WSCD1: variants seen among roughly 807,000 people sequenced by gnomAD.
The protein encoded by WSCD1 is WSC domain sialate O sulfotransferase 1.
A neutral mutation model predicts 60.4 loss-of-function variants in WSCD1; 41 were observed. The ratio of observed to expected loss-of-function variants is 0.68; its 90% CI spans 0.53 to 0.88. WSCD1 has a LOEUF of 0.88. Among genes scored for constraint, WSCD1 ranks in the 40% least tolerant of loss-of-function variants. WSCD1 has a pLI of 0.00. For missense variants in WSCD1, 784 were observed against 796.2 expected (o/e 0.98, Z 0.18); for synonymous variants, 361 against 332.5 (o/e 1.09, Z -0.93).
At chr17:6,081,172 C>A in intron 2 of WSCD1, 87 bp downstream of exon 2, 1 of 1,407,672 alleles carries the variant, frequency 7.1e-7, no homozygotes, top group Non-Finnish European at 9.4e-7. Context: ...TCTCTGCAGG[C>A]CTGTGGCCTT....
At chr17:6,104,942 G>T (rs1049955674) in intron 5 of WSCD1, among the ~76,000 whole-genome samples, 2 of 152,142 alleles carry the variant, frequency 1.3e-5, no homozygotes, top group Non-Finnish European at 2.9e-5. Flanking sequence ...CTGTCATTCT[G>T]TGTAACCCTG....
At chr17:6,108,863 C>T (rs887780119) in intron 5 of WSCD1, among the ~76,000 whole-genome samples, 1 of 152,186 alleles carries the variant, frequency 6.6e-6, no homozygotes, top group Non-Finnish European at 1.5e-5. Context: ...TGAGACGACT[C>T]CTCTCTCCTA....
intron 5 of WSCD1, among the ~76,000 whole-genome samples, chr17:6,098,592 C>G (rs981271572): frequency 1.3e-4 from 20 of 152,198 alleles, no homozygotes; most frequent in African/African-American, 4.8e-4. Flanking sequence ...CTGTCCTCAG[C>G]ACTCACAACA....
At chr17:6,097,133 C>T (rs1364033526) in intron 5 of WSCD1, among the ~76,000 whole-genome samples, 1 of 152,270 alleles carries the variant, frequency 6.6e-6, no homozygotes, top group Middle Eastern at 3.2e-3. Flanking sequence ...CTTTGCAGCC[C>T]TTGCTCCTGA....
In WSCD1 at chr17:6,124,113, T is replaced by G. The variant is rs1904872593; in HGVS notation, c.*3452T>G. On this transcript the variant is annotated 3_prime_UTR_variant, in exon 9 of 9. Transcript: ENST00000317744. ...GCTATGGTGACTGGGTTAGGTATGA[T>G]CTTGTGAGTTAAGACAATGAAGCCA... 1 of 152,236 alleles carries G rather than the reference T, an allele frequency of 6.6e-6. No individual in the cohort carries two copies. The highest frequency in any genetic ancestry group is 1.5e-5 in the Non-Finnish European group (1 of 68,056). 9.4% of individuals were successfully genotyped at this position (152,236 alleles called of 1,614,324 possible).
chr17:6,088,786 C>CT (rs35155693), intron 3 of WSCD1, among the ~76,000 whole-genome samples: 64,953 of 139,324 alleles, frequency 0.47, 17,231 homozygotes, highest in East Asian at 0.81. Context: ...TTTTTTTCAC[C>CT]TTTTTTTTTT....
At position 6,122,622 on chromosome 17, in the gene WSCD1, C is replaced by T. The variant is rs3744723; in HGVS notation, c.*1961C>T. 0.24 allele frequency: 36,820 copies of T among 152,516 alleles called. 5,102 individuals carry two copies. Among genetic ancestry groups the T allele is most frequent in the East Asian group, 0.4 (2,060 of 5,160 alleles). The allele number at this position is 152,516 out of a possible 1,614,324, so 9.4% of individuals were successfully genotyped here. ...CTAGATCCTTGAAAGCAATGTCAGG[C>T]GTGGCAGTGGGGAAGCCATGGAGGC... On this transcript the variant is annotated 3_prime_UTR_variant, in exon 9 of 9. Transcript: ENST00000317744.
chr17:6,084,808 G>C (rs7220328), intron 2 of WSCD1: 1 of 152,146 alleles, frequency 6.6e-6, no homozygotes. Flanking sequence ...CCGCCTCAGA[G>C]TGGGTCCCAG....
intron 8 of WSCD1, among the ~76,000 whole-genome samples, chr17:6,119,580 C>T (rs1567563178): frequency 6.6e-6 from 1 of 152,202 alleles, no homozygotes; most frequent in Non-Finnish European, 1.5e-5. Flanking sequence ...CTCTAGTCTT[C>T]CCCTTCCCCC....
In WSCD1 at chr17:6,121,118, T is replaced by G. The variant is rs905831224; in HGVS notation, c.*457T>G. On this transcript the variant is annotated 3_prime_UTR_variant, in exon 9 of 9. Transcript: ENST00000317744. ...CCTGTGTGTAGCCCTGGCATAGACT[T>G]GCTCGTCAGGGTGTTCGACTCTGGG... 1 of 176,878 alleles carries G rather than the reference T, an allele frequency of 5.7e-6. No individual in the cohort carries two copies. The highest frequency in any genetic ancestry group is 5.6e-5 in the Admixed American group (1 of 17,708). The allele number at this position is 176,878 out of a possible 1,614,324, so 11.0% of individuals were successfully genotyped here.
chr17:6,098,797 C>T (rs941425012), intron 5 of WSCD1, among the ~76,000 whole-genome samples: 6 of 152,168 alleles, frequency 3.9e-5, no homozygotes, highest in African/African-American at 1.4e-4. Flanking sequence ...CTTGGCAAAA[C>T]GCAAATGCTG....
At chr17:6,108,180 G>A (rs1250960821) in intron 5 of WSCD1, among the ~76,000 whole-genome samples, 1 of 152,176 alleles carries the variant, frequency 6.6e-6, no homozygotes, top group Non-Finnish European at 1.5e-5. Flanking sequence ...GCTTGCATGG[G>A]ACACAGGCTG....
At chr17:6,094,607 G>GGAGAAGGAAGGAAA (rs1295890468) in intron 4 of WSCD1, among the ~76,000 whole-genome samples, 4 of 150,498 alleles carry the variant, frequency 2.7e-5, no homozygotes. Flanking sequence ...AAGGAAGGAA[G>GGAGAAGGAAGGAAA]GAGAAGGAAG....
At chr17:6,090,247 A>G (rs1251940558) in intron 3 of WSCD1, 74 bp from the exon 4 acceptor site, 1 of 1,406,320 alleles carries the variant, frequency 7.1e-7, no homozygotes, top group East Asian at 2.6e-5. Context: ...CATCAAGCTG[A>G]AACAGTCTGC....
chr17:6,103,293 AT>A (rs1910905871), intron 5 of WSCD1, among the ~76,000 whole-genome samples: 1 of 152,162 alleles, frequency 6.6e-6, no homozygotes, highest in Non-Finnish European at 1.5e-5. Flanking sequence ...GATCATTGTG[AT>A]TATTCAGTGT....
In WSCD1 at chr17:6,075,852, G is replaced by T. The variant is rs1908821691; in HGVS notation, c.-288-4519G>T. ...GGTGCCCACAGGAAGCACACCTTGG[G>T]GAAAAATTCTCCAGACTTTCAGAGG... On this transcript the variant is annotated intron_variant, in intron 1 of 8. Coordinates refer to ENST00000317744, the MANE Select transcript of WSCD1 (RefSeq NM_015253.2). This position sits in a 1 kb window ranked among gnomAD's most constrained non-coding sequence, Gnocchi z 4.1. 6.6e-6 allele frequency among the ~76,000 whole-genome samples: 1 copy of T among 152,098 alleles called. No homozygotes were observed. The highest frequency in any genetic ancestry group is 1.5e-5 in the Non-Finnish European group (1 of 68,026).
chr17:6,120,916 C>A lies in WSCD1; in HGVS notation c.*255C>A. The stretch of plus-strand genomic sequence containing the variant: ...TCAGACACCACTCCAGGCTCATAGC[C>A]CCGTCTTGATGCAGAGAAGCCACCC... On this transcript the variant is annotated 3_prime_UTR_variant, in exon 9 of 9. Transcript: ENST00000317744. The A allele has an allele frequency of 1.9e-6, 1 of 527,834 alleles. No individual in the cohort carries two copies. Among genetic ancestry groups the A allele is most frequent in the Non-Finnish European group, 3.4e-6 (1 of 296,732 alleles). The allele number at this position is 527,834 out of a possible 1,614,324, so 32.7% of individuals were successfully genotyped here.
intron 5 of WSCD1, 61 bp from the exon 6 acceptor site, chr17:6,109,546 C>A: frequency 6.3e-7 from 1 of 1,581,726 alleles, no homozygotes; most frequent in Non-Finnish European, 8.6e-7. Context: ...ATTCCTGAGC[C>A]CTGGGAAGCA....
chr17:6,104,061 C>T (rs969696296), intron 5 of WSCD1, among the ~76,000 whole-genome samples: 28 of 152,252 alleles, frequency 1.8e-4, no homozygotes, highest in East Asian at 5.8e-4. Context: ...CATCTGCTTC[C>T]GGTGAGGCCT....
Sources: gnomAD v4.1 joint callset for allele counts (sites outside exome capture counted in the v4.1 genomes callset) on GRCh38, gnomAD v4.1.1 for gene constraint, Gnocchi (gnomAD v3.1) non-coding constraint, MANE v1.5 for transcripts, NCBI Gene and HGNC (gene_info 2026-07-23, HGNC 2026-07-21) for gene names.